The following REEP1 variants were observed in gnomAD, a reference collection of about 807,000 sequenced individuals.
REEP1 encodes receptor accessory protein 1, also known as receptor expression-enhancing protein 1.
Under a neutral mutation model 40.3 loss-of-function variants are expected in REEP1, and 22 were observed. The observed-to-expected ratio is 0.55, with a 90% CI of 0.39 to 0.78. The LOEUF is 0.78. Ranked by LOEUF, REEP1 falls within the 30% of genes least tolerant of loss-of-function variation. The probability of loss-of-function intolerance (pLI) is 0.00; values close to 1 mark genes in which losing one functional copy is unlikely to be tolerated. For synonymous variants in REEP1, 116 were observed against 139.2 expected (o/e 0.83, Z 1.17); for missense variants, 280 against 361.1 (o/e 0.78, Z 1.82).
At chr2:86,293,632 T>G (rs1422827753) in intron 1 of REEP1, among the ~76,000 whole-genome samples, 1 of 152,192 alleles carries the variant, frequency 6.6e-6, no homozygotes, top group Non-Finnish European at 1.5e-5. Flanking sequence ...AAATCAAGAT[T>G]TGAATTCAAA....
At chr2:86,266,228 A>G (rs1253077486) in intron 2 of REEP1, among the ~76,000 whole-genome samples, 3 of 152,268 alleles carry the variant, frequency 2.0e-5, no homozygotes, top group Non-Finnish European at 4.4e-5. Flanking sequence ...CAAATGGATC[A>G]GAGTCCTAAA....
At chr2:86,316,930 C>T (rs1219299176) in intron 1 of REEP1, among the ~76,000 whole-genome samples, 1 of 152,206 alleles carries the variant, frequency 6.6e-6, no homozygotes, top group Non-Finnish European at 1.5e-5. Context: ...CCCTGACTTA[C>T]TGTCCCACTG....
chr2:86,305,162 G>T (rs1679425420), intron 1 of REEP1, among the ~76,000 whole-genome samples: 2 of 152,184 alleles, frequency 1.3e-5, no homozygotes, highest in South Asian at 4.1e-4. Context: ...AAGCTGTGTG[G>T]GTTCTGCGCC....
intron 1 of REEP1, among the ~76,000 whole-genome samples, chr2:86,309,447 C>T (rs181133097): frequency 1.3e-5 from 2 of 152,366 alleles, no homozygotes; most frequent in African/African-American, 4.8e-5. Context: ...TCAATCCACA[C>T]GGCCAAACAC....
At chr2:86,282,281 TTTATC>T in intron 1 of REEP1, 39 bp from the exon 2 acceptor site, 1 of 1,412,484 alleles carries the variant, frequency 7.1e-7, no homozygotes. Context: ...CGATTTTTCA[TTTATC>T]TTATTTAATG....
chr2:86,317,425 C>A (rs2104504673), intron 1 of REEP1, among the ~76,000 whole-genome samples: 1 of 152,292 alleles, frequency 6.6e-6, no homozygotes, highest in Admixed American at 6.5e-5. Context: ...CATCTACAGA[C>A]TCCTAGGGGA....
intron 2 of REEP1, among the ~76,000 whole-genome samples, chr2:86,264,645 A>AAAAT (rs2104306718): frequency 6.6e-6 from 1 of 152,270 alleles, no homozygotes; most frequent in South Asian, 2.1e-4. Context: ...CACCCCATTT[A>AAAAT]AAATATCCCA....
chr2:86,296,089 A>T (rs1259760993), intron 1 of REEP1, among the ~76,000 whole-genome samples: 2 of 152,230 alleles, frequency 1.3e-5, no homozygotes, highest in African/African-American at 4.8e-5. Context: ...AAATGGCCAC[A>T]ATCATAGGTG....
At chr2:86,299,794 A>G (rs1679176441) in intron 1 of REEP1, among the ~76,000 whole-genome samples, 1 of 152,240 alleles carries the variant, frequency 6.6e-6, no homozygotes, top group Non-Finnish European at 1.5e-5. Context: ...CAACTCATCT[A>G]TGTTGATTGT....
intron 5 of REEP1, among the ~76,000 whole-genome samples, chr2:86,246,313 T>C (rs1675952830): frequency 6.6e-6 from 1 of 152,114 alleles, no homozygotes; most frequent in African/African-American, 2.4e-5. Flanking sequence ...AATACCAGAT[T>C]TGGGGATGGG....
intron 8 of REEP1, among the ~76,000 whole-genome samples, chr2:86,218,459 C>T (rs1674245218): frequency 6.6e-6 from 1 of 152,234 alleles, no homozygotes; most frequent in South Asian, 2.1e-4. Context: ...AGTCCTCATG[C>T]TACAGCCTTA....
At chr2:86,313,854 G>A (rs1679871377) in intron 1 of REEP1, among the ~76,000 whole-genome samples, 2 of 152,190 alleles carry the variant, frequency 1.3e-5, no homozygotes, top group Admixed American at 6.5e-5. Context: ...TGCCCTGATG[G>A]AATCATCCTG....
chr2:86,313,664 T>A (rs1679864658), intron 1 of REEP1, among the ~76,000 whole-genome samples: 1 of 152,228 alleles, frequency 6.6e-6, no homozygotes, highest in Non-Finnish European at 1.5e-5. Flanking sequence ...GAGATACTAA[T>A]GCCCACCTCC....
In REEP1 at chr2:86,264,043, T is replaced by C; in HGVS notation, c.106-2A>G. ...AATCCAGTACATCATCCATTTGACC[T>C]GTTGAAACAGAAAGCAACACAGCTG... On this transcript the variant is annotated splice_acceptor_variant, in intron 2 of 8. Transcript: ENST00000538924. LOFTEE classifies it high-confidence loss of function. The C allele has an allele frequency of 6.2e-7, 1 of 1,611,880 alleles. No homozygotes were observed. The highest frequency in any genetic ancestry group is 2.2e-5 in the East Asian group (1 of 44,878).
chr2:86,329,771 C>T (rs2104538392), intron 1 of REEP1, among the ~76,000 whole-genome samples: 1 of 152,216 alleles, frequency 6.6e-6, no homozygotes, highest in East Asian at 1.9e-4. Context: ...GAGTGAGGTC[C>T]TGACTCATTC....
In REEP1 at chr2:86,286,507, A is replaced by G. The variant is rs77315630; in HGVS notation, c.33-4265T>C. Among the ~76,000 whole-genome samples, 1,251 of 152,302 alleles carry G rather than the reference A, an allele frequency of 8.2e-3. 21 individuals are homozygous for G. Among genetic ancestry groups the G allele is most frequent in the African/African-American group, 0.029 (1,208 of 41,562 alleles). On this transcript the variant is annotated intron_variant, in intron 1 of 8. Coordinates refer to ENST00000538924, the MANE Select transcript of REEP1 (RefSeq NM_001371279.1). ...TGGGCCATGGACTCTTCACTAGACC[A>G]TCAAGGGTCATTTTTTGAACCCCAA...
chr2:86,239,570 A>C (rs938820218), intron 5 of REEP1, among the ~76,000 whole-genome samples: 3 of 152,182 alleles, frequency 2.0e-5, no homozygotes, highest in Admixed American at 1.3e-4. Context: ...TGCCCGCCTC[A>C]CTGGTGGAGT....
intron 5 of REEP1, among the ~76,000 whole-genome samples, chr2:86,243,398 T>C (rs1675773098): frequency 6.6e-6 from 1 of 152,166 alleles, no homozygotes; most frequent in African/African-American, 2.4e-5. Context: ...CTTGGACCCT[T>C]GAGGCATCAG....
At position 86,315,034 on chromosome 2, in the gene REEP1, C is replaced by T. The variant is rs570251720; in HGVS notation, c.32+22445G>A. 3.3e-5 allele frequency among the ~76,000 whole-genome samples: 5 copies of T among 152,162 alleles called. No homozygotes were observed. The South Asian group carries it at 1.0e-3, about 32-fold the overall frequency. On this transcript the variant is annotated intron_variant, in intron 1 of 8. Coordinates refer to ENST00000538924, the MANE Select transcript of REEP1 (RefSeq NM_001371279.1). ...GGCTCTGGCCTCTTTCCTCCTTGGT[C>T]TCCTGTCCTCATGAGCTCTTCACCA...
Sources: gnomAD v4.1 joint callset for allele counts (sites outside exome capture counted in the v4.1 genomes callset) on GRCh38, gnomAD v4.1.1 for gene constraint, MANE v1.5 for transcripts, NCBI Gene and HGNC (gene_info 2026-07-23, HGNC 2026-07-21) for gene names.